Variants in FHIT observed in about 807,000 individuals in gnomAD.
FHIT encodes bis(5'-adenosyl)-triphosphatase.
FHIT carries 19 observed loss-of-function variants against 17.9 expected under a neutral mutation model. The observed-to-expected ratio is 1.06, with a 90% CI of 0.74 to 1.56. The LOEUF is 1.56. Ranked by LOEUF, FHIT falls within the 40% of genes most tolerant of loss-of-function variation. The pLI, the probability that FHIT is intolerant of heterozygous loss-of-function variation, is 0.00. For synonymous variants in FHIT, 81 were observed against 69.7 expected (o/e 1.16, Z -0.81); for missense variants, 248 against 189.2 (o/e 1.31, Z -1.82).
intron 3 of FHIT, among the ~76,000 whole-genome samples, chr3:60,833,230 G>A (rs1553743039): frequency 6.6e-6 from 1 of 152,286 alleles, no homozygotes. Context: ...CCAATCACGA[G>A]CCCTGTAGTT....
chr3:59,760,547 C>A (rs567318838), intron 8 of FHIT, among the ~76,000 whole-genome samples: 2 of 143,788 alleles, frequency 1.4e-5, no homozygotes, highest in African/African-American at 5.4e-5. Context: ...TGTTGGAGTA[C>A]GCCCATGCCA....
intron 8 of FHIT, among the ~76,000 whole-genome samples, chr3:59,752,789 G>A (rs565731138): frequency 8.6e-5 from 13 of 151,978 alleles, no homozygotes; most frequent in Non-Finnish European, 1.8e-4. Context: ...TTTCCCTTCC[G>A]CCATGATTGA....
chr3:60,334,593 A>G (rs1710145175), intron 5 of FHIT, among the ~76,000 whole-genome samples: 1 of 152,178 alleles, frequency 6.6e-6, no homozygotes, highest in African/African-American at 2.4e-5. Flanking sequence ...CGAGACCAGC[A>G]TGGCCAACAC....
intron 4 of FHIT, chr3:60,553,365 T>C (rs2036622670): frequency 8.2e-6 from 8 of 978,714 alleles, no homozygotes; most frequent in Non-Finnish European, 8.5e-6. Context: ...TTTTACGTAA[T>C]GTGAATCAGC....
At chr3:61,133,825 T>C (rs2036833007) in intron 2 of FHIT, among the ~76,000 whole-genome samples, 2 of 152,096 alleles carry the variant, frequency 1.3e-5, no homozygotes, top group African/African-American at 4.8e-5. Flanking sequence ...GGCTCATGCC[T>C]GTAATAATGC....
In FHIT at chr3:60,487,354, C is replaced by T. The variant is rs373359213; in HGVS notation, c.103+49506G>A. 2.0e-5 allele frequency among the ~76,000 whole-genome samples: 3 copies of T among 152,300 alleles called. No individual in the cohort carries two copies. In the East Asian group the frequency reaches 5.8e-4, roughly 29 times the overall value. On this transcript the variant is annotated intron_variant, in intron 5 of 9. Transcript: ENST00000492590. ...TTACTCAGGCAGGCTCCTGCAGTTGCACAATTATCATTCTTCTTAAGTGTG... is the reference window on the plus strand; with the variant it reads ...TTACTCAGGCAGGCTCCTGCAGTTGTACAATTATCATTCTTCTTAAGTGTG...
chr3:60,044,925 G>T (rs927743094), intron 5 of FHIT, among the ~76,000 whole-genome samples: 3 of 152,016 alleles, frequency 2.0e-5, no homozygotes, highest in African/African-American at 7.2e-5. Flanking sequence ...ACTAATAATC[G>T]TGCTTAAAAC....
At position 60,230,218 on chromosome 3, in the gene FHIT, A is replaced by C. The variant is rs137974982; in HGVS notation, c.104-216066T>G. ...CTGGCTGCCATAATGAACAGACCAGATAAAAGAGCATGTCTTTCAATGCAG... is the reference window on the plus strand; with the variant it reads ...CTGGCTGCCATAATGAACAGACCAGCTAAAAGAGCATGTCTTTCAATGCAG... On this transcript the variant is annotated intron_variant, in intron 5 of 9. Transcript: ENST00000492590. 2.8e-3 allele frequency among the ~76,000 whole-genome samples: 426 copies of C among 152,330 alleles called. 2 individuals are homozygous for C. The highest frequency in any genetic ancestry group is 9.8e-3 in the African/African-American group (408 of 41,578).
intron 1 of FHIT, among the ~76,000 whole-genome samples, chr3:61,202,563 T>C (rs925492916): frequency 6.0e-5 from 9 of 149,712 alleles, no homozygotes; most frequent in Admixed American, 6.0e-4. Context: ...GGATGTAGAG[T>C]TTCTAGAATG....
rs33965820 is a variant in FHIT, at chr3:60,544,596, A to ATTTTT, written c.-17-7622_-17-7618dup. Among the ~76,000 whole-genome samples, 14 of 124,390 alleles carry ATTTTT rather than the reference A, an allele frequency of 1.1e-4. 2 individuals carry two copies. The highest frequency in any genetic ancestry group is 1.5e-4 in the Non-Finnish European group (9 of 61,978). The allele number at this position is 124,390 out of a possible 152,430, so 81.6% of individuals were successfully genotyped here. ...AAGTTGGCCAATAATTTCTCAACCT[A>ATTTTT]TTTTTTTTTTTTTTTTTTTGAGACA... On this transcript the variant is annotated intron_variant, in intron 4 of 9. Transcript: ENST00000492590.
intron 2 of FHIT, among the ~76,000 whole-genome samples, chr3:61,186,038 C>T (rs758122440): frequency 4.6e-5 from 7 of 152,102 alleles, no homozygotes; most frequent in Non-Finnish European, 8.8e-5. Context: ...TAACCTGCAC[C>T]ATTAGGAAAG....
At chr3:60,112,561 G>A (rs1343150997) in intron 5 of FHIT, among the ~76,000 whole-genome samples, 1 of 152,172 alleles carries the variant, frequency 6.6e-6, no homozygotes, top group East Asian at 1.9e-4. Flanking sequence ...CCAAAGGAGG[G>A]CTGAAATATG....
chr3:60,487,447 G>C (rs970697155), intron 5 of FHIT, among the ~76,000 whole-genome samples: 13 of 152,162 alleles, frequency 8.5e-5, no homozygotes, highest in African/African-American at 3.1e-4. Flanking sequence ...ATCCATGAAA[G>C]CAACAATTGA....
chr3:60,434,770 C>T (rs781031516), intron 5 of FHIT, among the ~76,000 whole-genome samples: 16 of 152,030 alleles, frequency 1.1e-4, no homozygotes, highest in Admixed American at 4.6e-4. Flanking sequence ...TATTTTGAAA[C>T]ATTTTACAGT....
In FHIT at chr3:60,666,367, T is replaced by C. The variant is rs74839463; in HGVS notation, c.-17-129388A>G. On this transcript the variant is annotated intron_variant, in intron 4 of 9. Coordinates refer to ENST00000492590, the MANE Select transcript of FHIT (RefSeq NM_002012.4). ...TCTGGAAGTATAGTTTTTCCAGACA[T>C]AGAATTTACAGTTGATAATTCTTTC... Among the ~76,000 whole-genome samples, 55 of 152,332 alleles carry C rather than the reference T, an allele frequency of 3.6e-4. 1 individual carries two copies. The highest frequency in any genetic ancestry group is 2.2e-3 in the Admixed American group (33 of 15,304).
intron 3 of FHIT, among the ~76,000 whole-genome samples, chr3:60,912,488 C>T (rs1575679285): frequency 3.3e-5 from 5 of 152,106 alleles, no homozygotes; most frequent in Admixed American, 3.3e-4. Flanking sequence ...TATGCCACCC[C>T]AAAATATGCC....
At chr3:60,684,539 C>T (rs1553697876) in intron 4 of FHIT, among the ~76,000 whole-genome samples, 1 of 152,014 alleles carries the variant, frequency 6.6e-6, no homozygotes, top group Non-Finnish European at 1.5e-5. Flanking sequence ...CGTCTCCATC[C>T]CTCCTCACAC....
At chr3:59,889,481 A>G (rs978871629) in intron 8 of FHIT, among the ~76,000 whole-genome samples, 1 of 152,162 alleles carries the variant, frequency 6.6e-6, no homozygotes, top group African/African-American at 2.4e-5. Context: ...AAATTACATC[A>G]TGAAGGTGAG....
intron 5 of FHIT, among the ~76,000 whole-genome samples, chr3:60,051,523 G>A (rs1402755770): frequency 2.0e-5 from 3 of 152,020 alleles, no homozygotes; most frequent in South Asian, 4.2e-4. Flanking sequence ...GTACATTTCC[G>A]TAAGATATGC....
Sources: allele counts gnomAD v4.1 joint callset (sites outside exome capture counted in the v4.1 genomes callset), GRCh38; gene constraint gnomAD v4.1.1; transcripts MANE v1.5; gene names NCBI Gene and HGNC (gene_info 2026-07-23, HGNC 2026-07-21).